IRAG1: variants seen among roughly 807,000 people sequenced by gnomAD.
IRAG1 encodes the protein inositol 1,4,5-triphosphate receptor associated 1, also known as IP3R-associated cGMP kinase substrate.
A neutral mutation model predicts 106.2 loss-of-function variants in IRAG1; 62 were observed. The ratio of observed to expected loss-of-function variants is 0.58; its 90% CI spans 0.48 to 0.72. The LOEUF is 0.72. IRAG1 is among the 30% of genes least tolerant of loss of function. The probability of loss-of-function intolerance (pLI) is 0.00; values close to 1 mark genes in which losing one functional copy is unlikely to be tolerated. For synonymous variants in IRAG1, 462 were observed against 443.9 expected (o/e 1.04, Z -0.51); for missense variants, 1,064 against 1,140.7 (o/e 0.93, Z 0.97).
At chr11:10,682,225 C>G (rs1354120065) in intron 1 of IRAG1, among the ~76,000 whole-genome samples, 10 of 152,194 alleles carry the variant, frequency 6.6e-5, no homozygotes, top group Admixed American at 6.5e-4. Flanking sequence ...ACAGAAATGA[C>G]AGAAAGTTAC....
chr11:10,675,162 G>T (rs1460015617), intron 1 of IRAG1, among the ~76,000 whole-genome samples: 2 of 152,194 alleles, frequency 1.3e-5, no homozygotes, highest in Non-Finnish European at 2.9e-5. Context: ...TGTGATTCAG[G>T]CTCCAAAAAT....
intron 1 of IRAG1, 156 bp downstream of exon 1, chr11:10,693,374 AATAAAG>A: frequency 7.5e-7 from 1 of 1,332,758 alleles, no homozygotes; most frequent in Non-Finnish European, 9.9e-7. Context: ...AGACAGCAAC[AATAAAG>A]ATACTCAGCT....
chr11:10,693,329 AG>A, intron 1 of IRAG1: 1 of 985,004 alleles, frequency 1.0e-6, no homozygotes, highest in Non-Finnish European at 1.4e-6. Flanking sequence ...TAGTTAAGTT[AG>A]GACTGGCAAG....
intron 10 of IRAG1, among the ~76,000 whole-genome samples, chr11:10,612,272 G>C (rs986635519): frequency 2.0e-5 from 3 of 152,164 alleles, no homozygotes; most frequent in African/African-American, 7.2e-5. Flanking sequence ...CTAAATTGGT[G>C]AAACAATCTG....
chr11:10,684,989 T>G (rs1288710647), intron 1 of IRAG1, among the ~76,000 whole-genome samples: 2 of 152,096 alleles, frequency 1.3e-5, no homozygotes, highest in Non-Finnish European at 2.9e-5. Flanking sequence ...TCTGGAAGAG[T>G]CTCTCTGCTG....
intron 11 of IRAG1, among the ~76,000 whole-genome samples, chr11:10,608,152 G>A (rs562897892): frequency 2.0e-5 from 3 of 152,180 alleles, no homozygotes; most frequent in African/African-American, 7.2e-5. Context: ...GTCTCGCTCT[G>A]CTGCCCAGGC....
At position 10,693,535 on chromosome 11, in the gene IRAG1, C is replaced by T. The variant is rs1223463827; in HGVS notation, c.67+1G>A. The T allele has an allele frequency of 6.5e-6, 10 of 1,535,512 alleles. No individual in the cohort carries two copies. The Admixed American group carries it at 1.8e-4, about 27-fold the overall frequency. Reference sequence around the variant, plus strand: ...TATTCTAGGATATAGGGGAGGCTTACCTAAAACTGAGTTATTCTCCTTTCC... The same window carrying T: ...TATTCTAGGATATAGGGGAGGCTTATCTAAAACTGAGTTATTCTCCTTTCC... On this transcript the variant is annotated splice_donor_variant, in intron 1 of 20. Coordinates refer to ENST00000423302, the MANE Select transcript of IRAG1 (RefSeq NM_130385.4). LOFTEE classifies it high-confidence loss of function.
At position 10,603,210 on chromosome 11, in the gene IRAG1, G is replaced by A. The variant is rs1564902456; in HGVS notation, c.1785C>T (p.Thr595=). The change falls in exon 14 of 21, where the codon ACC becomes ACT. Residue 595 remains threonine, a synonymous_variant. Coordinates refer to ENST00000423302, the MANE Select transcript of IRAG1 (RefSeq NM_130385.4). The stretch of plus-strand genomic sequence containing the variant: ...CGATGTCCTCCAGCAACTTCTGGTA[G>A]GTTTCCCGGTGCTCACAGTGGTGCC... ...SLWHHCEHRE[T]YQKLLEDIAV... 1.2e-6 allele frequency: 2 copies of A among 1,613,654 alleles called. No individual in the cohort carries two copies. Among genetic ancestry groups the A allele is most frequent in the East Asian group, 2.2e-5 (1 of 44,856 alleles).
At chr11:10,593,882 G>T (rs956483000) in intron 16 of IRAG1, 3 of 573,572 alleles carry the variant, frequency 5.2e-6, no homozygotes, top group Non-Finnish European at 9.3e-6. Flanking sequence ...ACACCCTGGA[G>T]ACTGTATTCA....
At chr11:10,602,044 C>G (rs1452080777) in intron 14 of IRAG1, among the ~76,000 whole-genome samples, 1 of 152,220 alleles carries the variant, frequency 6.6e-6, no homozygotes, top group Non-Finnish European at 1.5e-5. Flanking sequence ...GAGGGACACA[C>G]CCAGTGGCTT....
At chr11:10,584,963 A>T (rs1243698807) in intron 18 of IRAG1, among the ~76,000 whole-genome samples, 1 of 152,204 alleles carries the variant, frequency 6.6e-6, no homozygotes, top group Admixed American at 6.5e-5. Context: ...ACTCATAAAA[A>T]ATCCAGGCAA....
At chr11:10,623,404 A>T (rs762088685) in intron 10 of IRAG1, among the ~76,000 whole-genome samples, 8 of 152,154 alleles carry the variant, frequency 5.3e-5, no homozygotes, top group Non-Finnish European at 8.8e-5. Flanking sequence ...TGGGGTATGG[A>T]CTTTGTGGTG....
intron 4 of IRAG1, chr11:10,629,922 G>A (rs534946716): frequency 7.1e-5 from 39 of 545,502 alleles, no homozygotes; most frequent in Admixed American, 1.0e-4. Flanking sequence ...GTGGTCCTCC[G>A]TCACAAATGG....
At chr11:10,643,296 A>G (rs915350859) in intron 2 of IRAG1, among the ~76,000 whole-genome samples, 2 of 151,866 alleles carry the variant, frequency 1.3e-5, no homozygotes, top group Non-Finnish European at 2.9e-5. Flanking sequence ...TCTGCTGGAC[A>G]TGGGGCTCCT....
At chr11:10,685,449 T>A (rs1296288246) in intron 1 of IRAG1, among the ~76,000 whole-genome samples, 3 of 150,756 alleles carry the variant, frequency 2.0e-5, no homozygotes, top group Non-Finnish European at 4.4e-5. Context: ...AAGAATTGTA[T>A]ACTTTAGTAA....
chr11:10,620,218 T>C (rs1855729684), intron 10 of IRAG1, among the ~76,000 whole-genome samples: 1 of 152,082 alleles, frequency 6.6e-6, no homozygotes, highest in African/African-American at 2.4e-5. Flanking sequence ...TGGGGAGAAG[T>C]AGTATTTTTA....
Position 10,629,671 on chromosome 11 carries a change from C to T in IRAG1, c.441G>A (p.Leu147=), listed in dbSNP as rs770817765. ...CCTCCTCTGAGATGCTGATGTCTGG[C>T]AGCTGGTCATTCACCAGGTCAATGA... ...GHIIDLVNDQ[L]PDISISEEDK... The change falls in exon 5 of 21, where the codon CTG becomes CTA. Residue 147 remains leucine (L), a synonymous_variant. Coordinates refer to ENST00000423302, the MANE Select transcript of IRAG1 (RefSeq NM_130385.4). The T allele has an allele frequency of 1.9e-6, 3 of 1,613,894 alleles. No individual in the cohort carries two copies. The highest frequency in any genetic ancestry group is 2.5e-6 in the Non-Finnish European group (3 of 1,179,864).
intron 1 of IRAG1, among the ~76,000 whole-genome samples, chr11:10,682,350 C>T (rs1298721543): frequency 6.6e-6 from 1 of 152,228 alleles, no homozygotes; most frequent in East Asian, 1.9e-4. Flanking sequence ...GTTCATGTGC[C>T]TAAGCAACTT....
chr11:10,661,225 C>T (rs1428535689), intron 1 of IRAG1, among the ~76,000 whole-genome samples: 1 of 152,178 alleles, frequency 6.6e-6, no homozygotes, highest in Non-Finnish European at 1.5e-5. Context: ...TTTTTACACC[C>T]TTTGCATACA....
Sources: gnomAD v4.1 joint callset for allele counts (sites outside exome capture counted in the v4.1 genomes callset) on GRCh38, gnomAD v4.1.1 for gene constraint, MANE v1.5 for transcripts, NCBI Gene and HGNC (gene_info 2026-07-23, HGNC 2026-07-21) for gene names.